The following UBE2H variants were observed in gnomAD, a reference collection of about 807,000 sequenced individuals.
The protein encoded by UBE2H is ubiquitin conjugating enzyme E2 H.
UBE2H carries 3 observed loss-of-function variants against 29.0 expected under a neutral mutation model. The ratio of observed to expected loss-of-function variants is 0.10; its 90% CI spans 0.05 to 0.27. UBE2H has a LOEUF of 0.27. UBE2H is among the 10% of genes least tolerant of loss of function. The pLI is 1.00. For missense variants in UBE2H, 68 were observed against 228.2 expected (o/e 0.30, Z 4.52); for synonymous variants, 69 against 82.9 (o/e 0.83, Z 0.91).
rs796143479 is a variant in UBE2H, at chr7:129,894,799, AT to A, written c.54-13829del. 1.3e-3 allele frequency among the ~76,000 whole-genome samples: 190 copies of A among 145,576 alleles called. 1 individual carries two copies. The highest frequency in any genetic ancestry group is 1.3e-3 in the Non-Finnish European group (84 of 65,926). ...CCACCGCGCCCGGCCCATACCCATC[AT>A]TTTTTTTTTTTAACTTCTTTTCTCA... On this transcript the variant is annotated intron_variant, in intron 1 of 6. Transcript: ENST00000355621.
intron 1 of UBE2H, among the ~76,000 whole-genome samples, chr7:129,886,932 A>G (rs1317321118): frequency 1.3e-5 from 2 of 152,192 alleles, no homozygotes; most frequent in Non-Finnish European, 2.9e-5. Flanking sequence ...ATTTGCTAGT[A>G]AATAACCCAG....
At chr7:129,890,036 G>T (rs1563035710) in intron 1 of UBE2H, among the ~76,000 whole-genome samples, 1 of 152,004 alleles carries the variant, frequency 6.6e-6, no homozygotes, top group African/African-American at 2.4e-5. Flanking sequence ...TGACGGCTGA[G>T]GCAAGAGGAT....
At chr7:129,848,205 A>G (rs1334653414) in intron 5 of UBE2H, among the ~76,000 whole-genome samples, 1 of 152,246 alleles carries the variant, frequency 6.6e-6, no homozygotes, top group Non-Finnish European at 1.5e-5. Flanking sequence ...CCTGGACGAC[A>G]GAGCAAGACT....
Position 129,879,593 on chromosome 7 carries a change from T to C in UBE2H, c.180A>G (p.Lys60=), listed in dbSNP as rs1158296156. Reference sequence around the variant, plus strand: ...CTATAGATGGAGATTTGAAAGGGTATTTATCAGGTAGGTCCACTCTAACTT... The same window carrying C: ...CTATAGATGGAGATTTGAAAGGGTACTTATCAGGTAGGTCCACTCTAACTT... ...VWKVRVDLPD[K]YPFKSPSIGF... The change falls in exon 3 of 7, where the codon AAA becomes AAG. Residue 60 remains lysine, a synonymous_variant. Transcript: ENST00000355621. 2.5e-6 allele frequency: 4 copies of C among 1,612,932 alleles called. No individual in the cohort carries two copies. Among genetic ancestry groups the C allele is most frequent in the African/African-American group, 1.3e-5 (1 of 74,876 alleles).
At chr7:129,901,243 T>G (rs1181071490) in intron 1 of UBE2H, among the ~76,000 whole-genome samples, 1 of 152,198 alleles carries the variant, frequency 6.6e-6, no homozygotes, top group African/African-American at 2.4e-5. Flanking sequence ...TTCTCATTAT[T>G]TGTGGCTGGT....
At chr7:129,849,147 T>C (rs1029675484) in intron 5 of UBE2H, among the ~76,000 whole-genome samples, 3 of 110,076 alleles carry the variant, frequency 2.7e-5, no homozygotes, top group Non-Finnish European at 4.1e-5. Context: ...GCAGTTGTTA[T>C]TTTTGAAAAA....
rs117834722 is a variant in UBE2H at position 129,929,638 on chromosome 7, G to A, written c.53+22865C>T. Among the ~76,000 whole-genome samples the A allele has an allele frequency of 1.6e-3, 250 of 152,208 alleles. 4 individuals are homozygous for A. The East Asian group carries it at 0.045, about 27-fold the overall frequency. ...ATAAAAACACTTACCATCTTCACACGCCACCAATATTCCTTCTTAGCTAAA... is the reference window on the plus strand; with the variant it reads ...ATAAAAACACTTACCATCTTCACACACCACCAATATTCCTTCTTAGCTAAA... On this transcript the variant is annotated intron_variant, in intron 1 of 6. Coordinates refer to ENST00000355621, the MANE Select transcript of UBE2H (RefSeq NM_003344.4).
chr7:129,881,030 T>C (rs1806242667), intron 1 of UBE2H, 59 bp from the exon 2 acceptor site: 1 of 1,498,232 alleles, frequency 6.7e-7, no homozygotes, highest in Non-Finnish European at 9.1e-7. Flanking sequence ...GAATTACCAA[T>C]AACACCCCAG....
rs145896478 is a variant in UBE2H at position 129,851,910 on chromosome 7, C to T, written c.298+5601G>A. ...CGGAGCTAGCTAAGCACTGTTGAAG[C>T]GCAAATCCACAACTGAGCACATTTC... On this transcript the variant is annotated intron_variant, in intron 5 of 6. Coordinates refer to ENST00000355621, the MANE Select transcript of UBE2H (RefSeq NM_003344.4). Among the ~76,000 whole-genome samples, 346 of 152,298 alleles carry T rather than the reference C, an allele frequency of 2.3e-3. 1 individual carries two copies. Among genetic ancestry groups the T allele is most frequent in the Middle Eastern group, 6.8e-3 (2 of 294 alleles).
chr7:129,880,527 A>G (rs563180502), intron 2 of UBE2H, among the ~76,000 whole-genome samples: 98 of 152,172 alleles, frequency 6.4e-4, no homozygotes, highest in Admixed American at 1.2e-3. Context: ...ATAAATAAAT[A>G]AAATACAGTA....
intron 1 of UBE2H, among the ~76,000 whole-genome samples, chr7:129,934,650 A>T (rs1807483643): frequency 6.6e-6 from 1 of 150,914 alleles, no homozygotes; most frequent in East Asian, 1.9e-4. Flanking sequence ...AAAAAAAAAA[A>T]AAAAAAAAAA....
chr7:129,933,175 G>A (rs929598647), intron 1 of UBE2H, among the ~76,000 whole-genome samples: 1 of 152,170 alleles, frequency 6.6e-6, no homozygotes, highest in Non-Finnish European at 1.5e-5. Context: ...ATACTTTTAT[G>A]GAAGGTGTGA....
At chr7:129,932,091 G>C (rs1270693674) in intron 1 of UBE2H, among the ~76,000 whole-genome samples, 2 of 150,238 alleles carry the variant, frequency 1.3e-5, no homozygotes, top group African/African-American at 2.5e-5. Context: ...CAAAGTGCTG[G>C]GATTACAAGT....
At chr7:129,870,988 T>A (rs1315772730) in intron 3 of UBE2H, among the ~76,000 whole-genome samples, 1 of 152,276 alleles carries the variant, frequency 6.6e-6, no homozygotes, top group East Asian at 1.9e-4. Flanking sequence ...GTTTTGTTTT[T>A]AATCTTTTTA....
intron 1 of UBE2H, among the ~76,000 whole-genome samples, chr7:129,900,218 C>A (rs1806682409): frequency 6.6e-6 from 1 of 152,024 alleles, no homozygotes. Context: ...GGACCTGATA[C>A]GTCAAATAGC....
chr7:129,900,578 T>C (rs1216480532), intron 1 of UBE2H, among the ~76,000 whole-genome samples: 4 of 152,178 alleles, frequency 2.6e-5, no homozygotes, highest in East Asian at 1.9e-4. Context: ...CACATCACCA[T>C]TGTTGGCCAA....
chr7:129,851,633 C>T (rs183236830), intron 5 of UBE2H, among the ~76,000 whole-genome samples: 5 of 152,264 alleles, frequency 3.3e-5, no homozygotes, highest in Admixed American at 6.5e-5. Flanking sequence ...AGAGCCCCTA[C>T]GAAAGTAGAG....
chr7:129,909,072 A>C (rs2116442209), intron 1 of UBE2H, among the ~76,000 whole-genome samples: 1 of 152,354 alleles, frequency 6.6e-6, no homozygotes, highest in Middle Eastern at 3.4e-3. Context: ...TTTACTAAAA[A>C]AAGTAAGTGC....
intron 5 of UBE2H, among the ~76,000 whole-genome samples, chr7:129,854,489 A>G (rs1224126526): frequency 6.6e-6 from 1 of 152,228 alleles, no homozygotes; most frequent in East Asian, 1.9e-4. Context: ...TGTATTATGG[A>G]ACATGTTCAG....
Sources: gnomAD v4.1 joint callset for allele counts (sites outside exome capture counted in the v4.1 genomes callset) on GRCh38, gnomAD v4.1.1 for gene constraint, MANE v1.5 for transcripts, NCBI Gene and HGNC (gene_info 2026-07-23, HGNC 2026-07-21) for gene names.